The following SHANK2 variants were observed in gnomAD, a reference collection of about 807,000 sequenced individuals.
SHANK2 encodes the protein SH3 and multiple ankyrin repeat domains 2.
In SHANK2, 43 loss-of-function variants were observed where a neutral mutation model predicts 133.7. The ratio of observed to expected loss-of-function variants is 0.32; its 90% CI spans 0.25 to 0.41. The LOEUF (loss-of-function observed/expected upper bound fraction) is 0.41, where lower values mean the gene tolerates loss of function less well. Among genes scored for constraint, SHANK2 ranks in the 10% least tolerant of loss-of-function variants. The pLI is 1.00. For missense variants in SHANK2, 1,994 were observed against 2,235.8 expected, an observed-to-expected ratio of 0.89 and a Z score of 2.18; for synonymous variants, 1,017 against 952.8, an observed-to-expected ratio of 1.07 and a Z score of -1.24.
At chr11:70,552,044 C>A (rs534857575) in intron 17 of SHANK2, among the ~76,000 whole-genome samples, 1 of 152,214 alleles carries the variant, frequency 6.6e-6, no homozygotes, top group Non-Finnish European at 1.5e-5. Flanking sequence ...AACTTAAATG[C>A]GATGAGTAAT....
At chr11:70,525,623 G>C (rs1423136432) in intron 17 of SHANK2, among the ~76,000 whole-genome samples, 1 of 152,126 alleles carries the variant, frequency 6.6e-6, no homozygotes. Flanking sequence ...GGAGCGAACA[G>C]GGTCCTGGTA....
At chr11:70,934,259 A>AC in intron 10 of SHANK2, among the ~76,000 whole-genome samples, 1 of 151,462 alleles carries the variant, frequency 6.6e-6, no homozygotes, top group African/African-American at 2.4e-5. Flanking sequence ...AAAAAAAAAA[A>AC]AAAAACAGCA....
intron 17 of SHANK2, among the ~76,000 whole-genome samples, chr11:70,541,942 G>C (rs1459127576): frequency 6.6e-6 from 1 of 152,200 alleles, no homozygotes; most frequent in Non-Finnish European, 1.5e-5. Flanking sequence ...AAACCAGAGA[G>C]CTCCTCACTC....
intron 12 of SHANK2, among the ~76,000 whole-genome samples, chr11:70,808,621 G>A (rs914289420): frequency 2.0e-5 from 3 of 149,684 alleles, no homozygotes; most frequent in African/African-American, 4.9e-5. Context: ...TGTGGTTCTC[G>A]CTCCTTGGGA....
Position 71,214,477 on chromosome 11 carries a change from C to T in SHANK2, c.-13+10220G>A, listed in dbSNP as rs138083158. Among the ~76,000 whole-genome samples, 413 of 152,302 alleles carry T rather than the reference C, an allele frequency of 2.7e-3. 3 individuals are homozygous for T. The highest frequency in any genetic ancestry group is 9.5e-3 in the African/African-American group (394 of 41,576). On this transcript the variant is annotated intron_variant, in intron 2 of 25. Transcript: ENST00000601538. ...TCTTTCTTCTGTAGCCAAAAGACAT[C>T]GTGATTTAGCGCCATCAGCTTTGCT... is the stretch of plus-strand genomic sequence containing the variant.
At chr11:70,547,061 T>A (rs541480410) in intron 17 of SHANK2, among the ~76,000 whole-genome samples, 14 of 151,782 alleles carry the variant, frequency 9.2e-5, no homozygotes, top group African/African-American at 3.4e-4. Context: ...TCCCATTAGG[T>A]CAGTTTACCC....
intron 14 of SHANK2, among the ~76,000 whole-genome samples, chr11:70,755,671 G>T (rs1025662910): frequency 6.6e-6 from 1 of 152,260 alleles, no homozygotes. Context: ...CCTGGAGGCC[G>T]CCCTCGGCTC....
intron 10 of SHANK2, among the ~76,000 whole-genome samples, chr11:70,897,817 A>T (rs1029582391): frequency 6.6e-6 from 1 of 151,984 alleles, no homozygotes; most frequent in Non-Finnish European, 1.5e-5. Flanking sequence ...TTCGCTCTTC[A>T]GTTTTTATTT....
At chr11:70,531,155 CAAAAAAAAA>C (rs58867931) in intron 17 of SHANK2, among the ~76,000 whole-genome samples, 3 of 88,160 alleles carry the variant, frequency 3.4e-5, no homozygotes, top group African/African-American at 8.5e-5. Context: ...ACGACTGTCT[CAAAAAAAAA>C]AAAAAAAAAA....
intron 10 of SHANK2, chr11:70,910,920 GCATGTGCA>G (rs1950182053): frequency 2.2e-5 from 10 of 453,690 alleles, no homozygotes; most frequent in South Asian, 1.6e-4. Context: ...GTGTGCGCGT[GCATGTGCA>G]CATGCTGGGG....
In SHANK2 at chr11:71,110,035, T is replaced by A. The variant is rs571364105; in HGVS notation, c.498A>T (p.Lys166Asn). 139 of 1,550,194 alleles carry A rather than the reference T, an allele frequency of 9.0e-5. No individual in the cohort carries two copies. In the African/African-American group the frequency reaches 1.8e-3, roughly 20 times the overall value. ...AGCGATGCTGAATGTGATCCATGCA[T>A]TTCTTCAGATTGGTCTAGAAGGAAA... is the stretch of plus-strand genomic sequence containing the variant. Reference protein sequence around the residue: ...AKLHTKTNLKKCMDHIQHRLV... With the variant: ...AKLHTKTNLKNCMDHIQHRLV... Residue 166 changes from lysine (K) to asparagine (N), a missense_variant, in exon 6 of 26, where the codon AAA becomes AAT. Lys to Asn is a moderately conservative substitution (Grantham distance 94). This residue lies in a region of SHANK2 where 653 missense variants were observed against 563.4 expected (regional missense o/e 1.16). Transcript: ENST00000601538.
intron 11 of SHANK2, among the ~76,000 whole-genome samples, chr11:70,835,517 A>T (rs1948800897): frequency 6.6e-6 from 1 of 152,134 alleles, no homozygotes; most frequent in Non-Finnish European, 1.5e-5. Context: ...CCAGGGGCCG[A>T]GGTGCAGGCC....
chr11:70,917,987 C>A (rs1016941900), intron 10 of SHANK2, among the ~76,000 whole-genome samples: 1 of 151,078 alleles, frequency 6.6e-6, no homozygotes, highest in Non-Finnish European at 1.5e-5. Context: ...CAAACCTGCC[C>A]GTTCTGCACA....
chr11:70,778,752 A>G (rs1555044475), intron 14 of SHANK2, among the ~76,000 whole-genome samples: 1 of 152,150 alleles, frequency 6.6e-6, no homozygotes, highest in African/African-American at 2.4e-5. Flanking sequence ...TGCCCATTCT[A>G]CAGTATTTCA....
Position 71,085,945 on chromosome 11 carries a change from G to A in SHANK2, c.912+6477C>T, listed in dbSNP as rs1186549918. 1.4e-3 allele frequency among the ~76,000 whole-genome samples: 13 copies of A among 9,188 alleles called. 1 individual carries two copies. The highest frequency in any genetic ancestry group is 3.9e-3 in the Non-Finnish European group (11 of 2,826). The allele number at this position is 9,188 out of a possible 152,430, so 6.0% of individuals were successfully genotyped here. ...ATAATAAATTGTTATATATTAATAT[G>A]TTATATATATTATGTTATATATTAT... On this transcript the variant is annotated intron_variant, in intron 8 of 25. Transcript: ENST00000601538.
At chr11:71,057,151 A>G (rs2135920565) in intron 9 of SHANK2, among the ~76,000 whole-genome samples, 1 of 152,220 alleles carries the variant, frequency 6.6e-6, no homozygotes, top group East Asian at 1.9e-4. Flanking sequence ...CCTGACCAAC[A>G]TGGTGAAACC....
intron 17 of SHANK2, among the ~76,000 whole-genome samples, chr11:70,557,614 TGACA>T (rs774706754): frequency 6.6e-6 from 1 of 152,002 alleles, no homozygotes; most frequent in Non-Finnish European, 1.5e-5. Context: ...GGGCAAGAGC[TGACA>T]GTGGGGCCTG....
chr11:71,123,529 G>A (rs1269548927), intron 3 of SHANK2, among the ~76,000 whole-genome samples: 1 of 152,154 alleles, frequency 6.6e-6, no homozygotes, highest in Non-Finnish European at 1.5e-5. Flanking sequence ...GGAGGCAAAG[G>A]TAGAACAGCG....
At chr11:70,707,550 T>C (rs1945693167) in intron 14 of SHANK2, among the ~76,000 whole-genome samples, 1 of 151,914 alleles carries the variant, frequency 6.6e-6, no homozygotes, top group South Asian at 2.1e-4. Context: ...CAGTCCATCT[T>C]TAGACAAGAC....
Sources: gnomAD v4.1 joint callset for allele counts (sites outside exome capture counted in the v4.1 genomes callset) on GRCh38, gnomAD v4.1.1 for gene constraint, gnomAD v4.1.1 regional missense constraint, MANE v1.5 for transcripts, NCBI Gene and HGNC (gene_info 2026-07-23, HGNC 2026-07-21) for gene names.